SAMMSON: variants seen among roughly 807,000 people sequenced by gnomAD.
SAMMSON encodes the protein survival associated mitochondrial melanoma specific oncogenic non-coding RNA, also known as long intergenic non-protein coding RNA 1212.
At chr3:70,151,452 T>C (rs2067571684) in intron 4 of SAMMSON, among the ~76,000 whole-genome samples, 1 of 152,072 alleles carries the variant, frequency 6.6e-6, no homozygotes, top group African/African-American at 2.4e-5. Context: ...TGGATTTCTG[T>C]TGATTTACAT....
intron 7 of SAMMSON, among the ~76,000 whole-genome samples, chr3:70,313,371 G>C (rs1382425657): frequency 6.6e-6 from 1 of 151,818 alleles, no homozygotes; most frequent in East Asian, 1.9e-4. Context: ...CTAGCTATGT[G>C]AGAGGTTAAG....
intron 6 of SAMMSON, among the ~76,000 whole-genome samples, chr3:70,263,288 A>T (rs970449566): frequency 1.4e-4 from 21 of 145,410 alleles, no homozygotes; most frequent in African/African-American, 5.0e-4. Context: ...GCTGGTTTTT[A>T]AAAAAATATT....
chr3:70,164,033 A>G (rs2067626761), intron 4 of SAMMSON, among the ~76,000 whole-genome samples: 2 of 152,172 alleles, frequency 1.3e-5, no homozygotes, highest in African/African-American at 2.4e-5. Flanking sequence ...TAACTTATCC[A>G]TAAGAGTTGA....
intron 9 of SAMMSON, among the ~76,000 whole-genome samples, chr3:70,387,545 T>C (rs1703132094): frequency 6.6e-6 from 1 of 152,116 alleles, no homozygotes; most frequent in Non-Finnish European, 1.5e-5. Flanking sequence ...TTTTCTCACC[T>C]GCACAATTAA....
chr3:70,381,398 G>T lies in SAMMSON; in HGVS notation n.914-8176G>T, dbSNP rs149051596. 2.0e-5 allele frequency among the ~76,000 whole-genome samples: 3 copies of T among 152,276 alleles called. No homozygotes were observed. In the East Asian group the frequency reaches 5.8e-4, roughly 29 times the overall value. Reference sequence around the variant, plus strand: ...AATGGTTATCAACAGATTCCAAAACGATGGGGTGAAAGACAAATGGACAAC... The same window carrying T: ...AATGGTTATCAACAGATTCCAAAACTATGGGGTGAAAGACAAATGGACAAC... On this transcript the variant is annotated intron_variant and non_coding_transcript_variant, in intron 9 of 9. Coordinates refer to ENST00000642114, the Ensembl canonical transcript of SAMMSON.
intron 3 of SAMMSON, among the ~76,000 whole-genome samples, chr3:70,022,279 G>C (rs182345331): frequency 1.1e-4 from 15 of 140,762 alleles, no homozygotes; most frequent in Admixed American, 2.2e-4. Flanking sequence ...GTTGCCGGGT[G>C]GGGGGAGGGA....
intron 4 of SAMMSON, chr3:70,206,739 A>G: frequency 1.0e-5 from 4 of 397,870 alleles, no homozygotes; most frequent in Non-Finnish European, 1.8e-5. Flanking sequence ...ATTTATAACA[A>G]TAGCATTAAT....
intron 9 of SAMMSON, among the ~76,000 whole-genome samples, chr3:70,381,263 T>G (rs557207136): frequency 1.1e-4 from 16 of 152,226 alleles, no homozygotes; most frequent in African/African-American, 3.8e-4. Flanking sequence ...GGTAACCAAA[T>G]AAAGCCTAGT....
chr3:70,047,897 A>G (rs2067132796), intron 3 of SAMMSON, among the ~76,000 whole-genome samples: 2 of 152,082 alleles, frequency 1.3e-5, no homozygotes, highest in African/African-American at 2.4e-5. Context: ...TTATAGTGGC[A>G]TTAATCTATT....
intron 3 of SAMMSON, among the ~76,000 whole-genome samples, chr3:70,051,156 A>G (rs977808782): frequency 5.4e-5 from 8 of 147,954 alleles, no homozygotes; most frequent in Non-Finnish European, 9.0e-5. Context: ...AAAAAAAAAA[A>G]AAAAGAAAAA....
chr3:70,316,193 T>C (rs1702493177), intron 7 of SAMMSON, among the ~76,000 whole-genome samples: 1 of 152,178 alleles, frequency 6.6e-6, no homozygotes, highest in African/African-American at 2.4e-5. Flanking sequence ...ACACATTTTA[T>C]GTTCCTTTTC....
rs142932434 is a variant in SAMMSON at position 70,405,118 on chromosome 3, C to T, written n.233+46794C>T. On this transcript the variant is annotated intron_variant and non_coding_transcript_variant, in intron 2 of 3. Transcript: ENST00000641053. The stretch of plus-strand genomic sequence containing the variant: ...TGGGAGATACTCAAGTTTGAACCAA[C>T]TAGAGTGACATGACTCTAAACAATG... 1.2e-4 allele frequency among the ~76,000 whole-genome samples: 18 copies of T among 152,296 alleles called. 1 individual carries two copies. Among genetic ancestry groups the T allele is most frequent in the African/African-American group, 3.6e-4 (15 of 41,558 alleles).
At chr3:70,420,954 T>A (rs1036926356) in intron 2 of SAMMSON, among the ~76,000 whole-genome samples, 7 of 152,164 alleles carry the variant, frequency 4.6e-5, no homozygotes, top group African/African-American at 1.7e-4. Context: ...TTTTTTTTAT[T>A]CTGTGCATGC....
At chr3:70,290,808 G>A (rs1033399854) in intron 6 of SAMMSON, among the ~76,000 whole-genome samples, 3 of 152,190 alleles carry the variant, frequency 2.0e-5, no homozygotes, top group Non-Finnish European at 4.4e-5. Flanking sequence ...ATTCGGGTGG[G>A]AGTGACCCGA....
rs576901318 is a variant in SAMMSON, at chr3:70,197,772, C to T, written n.508-51335C>T. Among the ~76,000 whole-genome samples, 28 of 152,242 alleles carry T rather than the reference C, an allele frequency of 1.8e-4. No individual in the cohort carries two copies. In the South Asian group the frequency reaches 5.8e-3, roughly 32 times the overall value. ...GTGTTTTATTTTTAATCTCTGTTTC[C>T]GTTTCCCTCCAGTTATGTAAAGCCT... is the stretch of plus-strand genomic sequence containing the variant. On this transcript the variant is annotated intron_variant and non_coding_transcript_variant, in intron 4 of 9. Coordinates refer to ENST00000642114, the Ensembl canonical transcript of SAMMSON.
intron 4 of SAMMSON, among the ~76,000 whole-genome samples, chr3:70,122,213 G>A (rs942993487): frequency 1.4e-4 from 21 of 151,940 alleles, no homozygotes; most frequent in Admixed American, 3.9e-4. Context: ...TTTTTTGTAA[G>A]ACAAAATTTC....
chr3:70,221,837 G>T (rs1457704694), intron 4 of SAMMSON, among the ~76,000 whole-genome samples: 2 of 152,064 alleles, frequency 1.3e-5, no homozygotes, highest in Non-Finnish European at 2.9e-5. Context: ...TTTTTGGCTG[G>T]GGCAAAAGTA....
intron 4 of SAMMSON, among the ~76,000 whole-genome samples, chr3:70,086,287 G>A (rs1014156662): frequency 2.0e-5 from 3 of 152,178 alleles, no homozygotes; most frequent in Non-Finnish European, 2.9e-5. Flanking sequence ...GTTATCCTCT[G>A]TGGGTGTATC....
At chr3:70,284,580 A>C (rs1466090516) in intron 6 of SAMMSON, among the ~76,000 whole-genome samples, 1 of 152,188 alleles carries the variant, frequency 6.6e-6, no homozygotes, top group Non-Finnish European at 1.5e-5. Context: ...AAAAAGAATA[A>C]GATCATGTCC....
Sources: allele counts gnomAD v4.1 joint callset (sites outside exome capture counted in the v4.1 genomes callset), GRCh38; gene constraint gnomAD v4.1.1; transcripts MANE v1.5; gene names NCBI Gene and HGNC (gene_info 2026-07-23, HGNC 2026-07-21).